The following SFMBT2 variants were observed in gnomAD, a reference collection of about 807,000 sequenced individuals.
The protein encoded by SFMBT2 is Scm like with four mbt domains 2, also known as scm-like with four MBT domains protein 2.
In SFMBT2, 38 loss-of-function variants were observed where a neutral mutation model predicts 110.1. The ratio of observed to expected loss-of-function variants is 0.35; its 90% confidence interval spans 0.27 to 0.45. SFMBT2 has a LOEUF of 0.45. Among genes scored for constraint, SFMBT2 ranks in the 20% least tolerant of loss-of-function variants. SFMBT2 has a pLI of 1.00. For missense variants in SFMBT2, 1,011 were observed against 1,094.9 expected, an observed-to-expected ratio of 0.92 and a Z score of 1.08; for synonymous variants, 425 against 425.4, an observed-to-expected ratio of 1.00 and a Z score of 0.01.
rs369904704 is a variant in SFMBT2 at position 7,365,350 on chromosome 10, T to C, written c.436+2299A>G. On this transcript the variant is annotated intron_variant, in intron 4 of 20. Coordinates refer to ENST00000397167, the MANE Select transcript of SFMBT2 (RefSeq NM_001387889.1). Reference sequence around the variant, plus strand: ...CTTCCTCCTTTCGTAACAATGACTGTTCTTTTCCTTGCTATTTCAGATGAC... The same window carrying C: ...CTTCCTCCTTTCGTAACAATGACTGCTCTTTTCCTTGCTATTTCAGATGAC... 1.4e-4 allele frequency among the ~76,000 whole-genome samples: 21 copies of C among 152,228 alleles called. 1 individual carries two copies. The highest frequency in any genetic ancestry group is 1.2e-3 in the East Asian group (6 of 5,194).
intron 1 of SFMBT2, among the ~76,000 whole-genome samples, chr10:7,393,327 G>A (rs187730091): frequency 1.6e-4 from 24 of 151,734 alleles, no homozygotes; most frequent in East Asian, 9.7e-4. Flanking sequence ...CACCATGCCC[G>A]GCCTCATATA....
At chr10:7,249,504 G>C in intron 7 of SFMBT2, 2 of 984,806 alleles carry the variant, frequency 2.0e-6, no homozygotes, top group Non-Finnish European at 2.4e-6. Context: ...TGTCCCTGAG[G>C]AAATAATACC....
chr10:7,258,369 C>CA (rs1406458865), intron 7 of SFMBT2, among the ~76,000 whole-genome samples: 3 of 152,074 alleles, frequency 2.0e-5, no homozygotes, highest in African/African-American at 4.8e-5. Flanking sequence ...ATAAAATAGA[C>CA]AAAAAACAGA....
At chr10:7,370,899 C>A (rs755783149) in intron 2 of SFMBT2, 59 of 619,114 alleles carry the variant, frequency 9.5e-5, no homozygotes, top group Middle Eastern at 8.1e-4. Context: ...GGCCACCCAG[C>A]CAGTCAACAA....
chr10:7,288,903 G>C (rs1842183216), intron 4 of SFMBT2, among the ~76,000 whole-genome samples: 3 of 149,752 alleles, frequency 2.0e-5, no homozygotes, highest in Admixed American at 1.3e-4. Flanking sequence ...AGGTGTGGTG[G>C]CAGCTATCTG....
At chr10:7,370,411 G>T in intron 2 of SFMBT2, 36 bp from the exon 3 acceptor site, 1 of 1,557,996 alleles carries the variant, frequency 6.4e-7, no homozygotes, top group South Asian at 1.1e-5. Flanking sequence ...ATCAATACTG[G>T]AGTGGAGGAC....
chr10:7,379,614 G>A (rs1386773041), intron 2 of SFMBT2, among the ~76,000 whole-genome samples: 1 of 152,090 alleles, frequency 6.6e-6, no homozygotes, highest in Non-Finnish European at 1.5e-5. Context: ...AAATCCCAAG[G>A]CGAAAGGACA....
At chr10:7,253,943 T>C (rs538910519) in intron 7 of SFMBT2, among the ~76,000 whole-genome samples, 1 of 152,262 alleles carries the variant, frequency 6.6e-6, no homozygotes, top group Admixed American at 6.5e-5. Flanking sequence ...ATTAAGAGTT[T>C]GGCTAAACCT....
intron 9 of SFMBT2, among the ~76,000 whole-genome samples, chr10:7,232,509 C>A (rs1237439829): frequency 6.6e-6 from 1 of 152,100 alleles, no homozygotes; most frequent in African/African-American, 2.4e-5. Flanking sequence ...TAGAATGCCA[C>A]ACAGGCATGA....
chr10:7,317,407 C>T (rs1422058659), intron 4 of SFMBT2, among the ~76,000 whole-genome samples: 2 of 152,220 alleles, frequency 1.3e-5, no homozygotes, highest in Admixed American at 1.3e-4. Flanking sequence ...CTTTGGGAGG[C>T]CAAAGCGGGC....
intron 7 of SFMBT2, among the ~76,000 whole-genome samples, chr10:7,257,776 A>G (rs1385899279): frequency 6.6e-6 from 1 of 152,230 alleles, no homozygotes; most frequent in Non-Finnish European, 1.5e-5. Context: ...TCCCATCGCC[A>G]CTTTATTAGA....
chr10:7,227,173 T>G (rs1385832629), intron 10 of SFMBT2, among the ~76,000 whole-genome samples: 2 of 152,190 alleles, frequency 1.3e-5, no homozygotes, highest in Admixed American at 6.5e-5. Context: ...AGCATCTAAC[T>G]GGACATCAAA....
chr10:7,353,081 G>T (rs1844377686), intron 4 of SFMBT2, among the ~76,000 whole-genome samples: 1 of 152,000 alleles, frequency 6.6e-6, no homozygotes, highest in Admixed American at 6.6e-5. Flanking sequence ...GACACCCTTT[G>T]CCAAAATTGA....
At chr10:7,373,417 A>C (rs1023150571) in intron 2 of SFMBT2, among the ~76,000 whole-genome samples, 2 of 152,274 alleles carry the variant, frequency 1.3e-5, no homozygotes, top group Non-Finnish European at 1.5e-5. Context: ...TAGGAACACG[A>C]AACAGAATGA....
At chr10:7,398,614 G>A (rs1845988855) in intron 1 of SFMBT2, among the ~76,000 whole-genome samples, 1 of 152,064 alleles carries the variant, frequency 6.6e-6, no homozygotes, top group Admixed American at 6.5e-5. Context: ...TGGGTACATG[G>A]TGTAAATGGG....
chr10:7,272,478 C>T (rs7082321), intron 7 of SFMBT2, among the ~76,000 whole-genome samples: 90,748 of 151,950 alleles, frequency 0.6, 27,227 homozygotes, highest in Admixed American at 0.62. Context: ...GGGGGGTTGA[C>T]AGGAGCTTAA....
Position 7,192,630 on chromosome 10 carries a change from G to A in SFMBT2, c.1699-3897C>T, listed in dbSNP as rs548694642. ...CCAAACAAAAACACGGAGGGAAATC[G>A]CTTAATGCATCAGCCACAGGGGCAG... is the stretch of plus-strand genomic sequence containing the variant. On this transcript the variant is annotated intron_variant, in intron 15 of 20. Transcript: ENST00000397167. Among the ~76,000 whole-genome samples, 257 of 152,278 alleles carry A rather than the reference G, an allele frequency of 1.7e-3. 2 individuals are homozygous for A. Among genetic ancestry groups the A allele is most frequent in the African/African-American group, 5.2e-3 (216 of 41,554 alleles).
intron 4 of SFMBT2, among the ~76,000 whole-genome samples, chr10:7,349,227 G>C (rs927178655): frequency 6.6e-6 from 1 of 151,962 alleles, no homozygotes; most frequent in African/African-American, 2.4e-5. Context: ...TGTTCTGCTC[G>C]ATCTCCAAAT....
intron 12 of SFMBT2, chr10:7,204,113 G>A (rs1839049287): frequency 4.7e-6 from 1 of 212,628 alleles, no homozygotes; most frequent in Admixed American, 6.5e-5. Context: ...TTTAAGTAAG[G>A]GGAAACGATT....
Sources: gnomAD v4.1 joint callset for allele counts (sites outside exome capture counted in the v4.1 genomes callset) on GRCh38, gnomAD v4.1.1 for gene constraint, MANE v1.5 for transcripts, NCBI Gene and HGNC (gene_info 2026-07-23, HGNC 2026-07-21) for gene names.